Variants in ANK2 observed in about 807,000 individuals in gnomAD.
ANK2 encodes ankyrin 2, also known as ankyrin-2.
In ANK2, 83 loss-of-function variants were observed where a neutral mutation model predicts 360.5. That is an observed-to-expected ratio of 0.23 (90% CI 0.19 to 0.28). ANK2 has a LOEUF of 0.28. Ranked by LOEUF, ANK2 falls within the 10% of genes least tolerant of loss-of-function variation. The pLI is 1.00. For missense variants in ANK2, 4,201 were observed against 4,795.7 expected (o/e 0.88, Z 3.66); for synonymous variants, 1,740 against 1,759.5 (o/e 0.99, Z 0.28).
intron 1 of ANK2, among the ~76,000 whole-genome samples, chr4:112,888,460 G>A: frequency 6.6e-6 from 1 of 152,174 alleles, no homozygotes; most frequent in Middle Eastern, 3.4e-3. Context: ...ACAAGGGTTT[G>A]CATATTAAGA....
chr4:113,000,103 G>A (rs1470116832), intron 2 of ANK2, among the ~76,000 whole-genome samples: 1 of 152,120 alleles, frequency 6.6e-6, no homozygotes, highest in Non-Finnish European at 1.5e-5. Flanking sequence ...ATACCGCAGG[G>A]CTTATATACC....
At chr4:113,248,655 T>C (rs1180226568) in intron 9 of ANK2, among the ~76,000 whole-genome samples, 2 of 152,050 alleles carry the variant, frequency 1.3e-5, no homozygotes, top group African/African-American at 4.8e-5. Flanking sequence ...AGTGTTGCGA[T>C]TCAGAGGAAT....
At position 113,264,911 on chromosome 4, in the gene ANK2, A is replaced by G. The variant is rs142159132; in HGVS notation, c.1401A>G (p.Ala467=). 5,125 of 1,565,198 alleles carry G rather than the reference A, an allele frequency of 3.3e-3. 8 individuals carry two copies. The highest frequency in any genetic ancestry group is 0.014 in the Middle Eastern group (82 of 6,004). ...PDVTNIRGET[A]LHMAARAGQV... Reference sequence around the variant, plus strand: ...TTCCCTGGCAGCGTGGTGAGACGGCACTACACATGGCAGCCCGAGCCGGGC... The same window carrying G: ...TTCCCTGGCAGCGTGGTGAGACGGCGCTACACATGGCAGCCCGAGCCGGGC... Residue 467 remains alanine, a synonymous_variant, in exon 14 of 46, where the codon GCA becomes GCG. Transcript: ENST00000357077.
chr4:113,332,098 G>A, intron 28 of ANK2, 28 bp downstream of exon 28: 6 of 1,561,902 alleles, frequency 3.8e-6, no homozygotes, highest in Non-Finnish European at 5.3e-6. Flanking sequence ...CAAATTGATG[G>A]CTGCTGGCCC....
the ANK2 span, among the ~76,000 whole-genome samples, chr4:112,741,647 AT>A: frequency 6.6e-6 from 1 of 152,128 alleles, no homozygotes; most frequent in Non-Finnish European, 1.5e-5. Flanking sequence ...GGATTTCATT[AT>A]TCTTCATTTG....
chr4:113,323,796 T>G (rs2153883638), intron 26 of ANK2: 1 of 1,611,666 alleles, frequency 6.2e-7, no homozygotes. Context: ...CAACAGCAGG[T>G]GAACTACTGC....
chr4:113,092,964 T>C (rs2089269561), intron 1 of ANK2, among the ~76,000 whole-genome samples: 1 of 152,030 alleles, frequency 6.6e-6, no homozygotes, highest in African/African-American at 2.4e-5. Context: ...GGTTAAAGAG[T>C]CTAGTGGAAA....
chr4:112,713,054 T>C, the ANK2 span, among the ~76,000 whole-genome samples: 1 of 152,216 alleles, frequency 6.6e-6, no homozygotes. Flanking sequence ...ACTGATCTGT[T>C]CTCTGTCCAT....
intron 1 of ANK2, among the ~76,000 whole-genome samples, chr4:112,897,116 G>A (rs2082003179): frequency 6.6e-6 from 1 of 152,066 alleles, no homozygotes; most frequent in African/African-American, 2.4e-5. Flanking sequence ...GAGCTTCTCT[G>A]ATAACTGTTC....
chr4:113,361,070 G>A (rs1021860297), intron 39 of ANK2, among the ~76,000 whole-genome samples, 173 bp downstream of exon 39: 2 of 152,050 alleles, frequency 1.3e-5, no homozygotes, highest in Admixed American at 6.6e-5. Context: ...TATAGCCCAG[G>A]GCAGGCCTTT....
At chr4:113,156,265 A>G (rs979376756) in intron 1 of ANK2, among the ~76,000 whole-genome samples, 2 of 147,516 alleles carry the variant, frequency 1.4e-5, no homozygotes, top group African/African-American at 2.5e-5. Context: ...GGTATAGGCT[A>G]TACTAACTTT....
chr4:113,121,765 TA>T (rs1186357485), intron 1 of ANK2, among the ~76,000 whole-genome samples: 5 of 152,132 alleles, frequency 3.3e-5, no homozygotes, highest in Admixed American at 6.6e-5. Flanking sequence ...AATTTCACAG[TA>T]AAAGGTTCTG....
chr4:113,120,963 A>G (rs2095316807), intron 1 of ANK2, among the ~76,000 whole-genome samples: 1 of 152,212 alleles, frequency 6.6e-6, no homozygotes, highest in Non-Finnish European at 1.5e-5. Flanking sequence ...TGTCCAATCA[A>G]TCATAATGTC....
At chr4:113,034,186 A>G (rs2061070965) in intron 2 of ANK2, among the ~76,000 whole-genome samples, 2 of 151,980 alleles carry the variant, frequency 1.3e-5, no homozygotes, top group African/African-American at 2.4e-5. Context: ...AAGGATGACG[A>G]TTATATCAAG....
intron 17 of ANK2, among the ~76,000 whole-genome samples, 197 bp downstream of exon 17, chr4:113,278,755 G>A (rs2061191413): frequency 6.6e-6 from 1 of 152,020 alleles, no homozygotes; most frequent in East Asian, 1.9e-4. Context: ...GATTTTTTAA[G>A]AGTCAGCAAA....
the ANK2 span, among the ~76,000 whole-genome samples, chr4:112,768,348 G>A: frequency 6.6e-6 from 1 of 151,714 alleles, no homozygotes; most frequent in African/African-American, 2.4e-5. Context: ...CTGTCTCCTG[G>A]GCTCAAGAGA....
At chr4:112,810,137 ATATATATATATATATATATATATTTTTT>A in the ANK2 span, among the ~76,000 whole-genome samples, 10 of 32,798 alleles carry the variant, frequency 3.0e-4, no homozygotes, top group African/African-American at 1.2e-3. Flanking sequence ...ATATATATAT[ATATATATATATATATATATATATTTTTT>A]TTTTTTTTTT....
At chr4:112,848,584 A>T (rs912397904) in intron 1 of ANK2, among the ~76,000 whole-genome samples, 1 of 152,204 alleles carries the variant, frequency 6.6e-6, no homozygotes, top group African/African-American at 2.4e-5. Flanking sequence ...TTGTGTGAGT[A>T]CAAGAAAAAA....
chr4:112,810,151 ATATATATATTTTTTTTT>A, the ANK2 span, among the ~76,000 whole-genome samples: 190 of 26,272 alleles, frequency 7.2e-3, 1 homozygote, highest in African/African-American at 0.023. Context: ...ATATATATAT[ATATATATATTTTTTTTT>A]TTTTTTTTTT....
Sources: gnomAD v4.1 joint callset for allele counts (sites outside exome capture counted in the v4.1 genomes callset) on GRCh38, gnomAD v4.1.1 for gene constraint, MANE v1.5 for transcripts, NCBI Gene and HGNC (gene_info 2026-07-23, HGNC 2026-07-21) for gene names.